The following CMC2 variants were observed in gnomAD, a reference collection of about 807,000 sequenced individuals.
CMC2 encodes COX assembly mitochondrial protein 2 homolog.
A neutral mutation model predicts 7.5 loss-of-function variants in CMC2; 5 were observed. That is an observed-to-expected ratio of 0.66 (90% CI 0.35 to 1.40). The LOEUF (loss-of-function observed/expected upper bound fraction) is 1.40, where lower values mean the gene tolerates loss of function less well. Ranked by LOEUF, CMC2 falls within the 40% of genes most tolerant of loss-of-function variation. The probability of loss-of-function intolerance (pLI) is 0.04; values close to 1 mark genes in which losing one functional copy is unlikely to be tolerated. For synonymous variants in CMC2, 37 were observed against 31.4 expected, an observed-to-expected ratio of 1.18 and a Z score of -0.60; for missense variants, 115 against 92.3, an observed-to-expected ratio of 1.25 and a Z score of -1.01.
At position 80,976,162 on chromosome 16, in the gene CMC2, G is replaced by C. The variant is rs1347502771; in HGVS notation, c.171C>G (p.Thr57=). Residue 57 remains threonine, a synonymous_variant, in exon 4 of 4, where the codon ACC becomes ACG. Transcript: ENST00000219400. The part of the protein sequence containing the change: ...CLKNEYVENR[T]KSREHGIAMR... ...TTGCAATGCCATGCTCCCTGCTCTT[G>C]GTCCTGTTTTCTACGTACTGAAAAA... 11 of 1,601,130 alleles carry C rather than the reference G, an allele frequency of 6.9e-6. No individual in the cohort carries two copies. In the Admixed American group the frequency reaches 1.7e-4, roughly 25 times the overall value.
intron 1 of CMC2, among the ~76,000 whole-genome samples, chr16:81,004,459 G>C (rs922609979): frequency 6.6e-6 from 1 of 152,220 alleles, no homozygotes; most frequent in Non-Finnish European, 1.5e-5. Context: ...CCATCAGTTT[G>C]TCAGTCTCAT....
intron 2 of CMC2, among the ~76,000 whole-genome samples, chr16:80,994,679 A>C (rs1968265560): frequency 1.3e-5 from 2 of 152,258 alleles, no homozygotes; most frequent in African/African-American, 4.8e-5. Context: ...CTGAACTTAA[A>C]AAGTTTATAA....
intron 3 of CMC2, among the ~76,000 whole-genome samples, chr16:80,976,839 T>C (rs1912429773): frequency 6.6e-6 from 1 of 152,214 alleles, no homozygotes; most frequent in African/African-American, 2.4e-5. Flanking sequence ...CCTTTTGCGC[T>C]GAACATTGCT....
chr16:80,991,981 G>A (rs763728473), intron 2 of CMC2: 16 of 454,996 alleles, frequency 3.5e-5, no homozygotes, highest in South Asian at 2.2e-4. Flanking sequence ...AAGACATTAG[G>A]TAAACACTAA....
At chr16:80,988,442 T>G (rs150426491) in intron 2 of CMC2, 73 of 652,832 alleles carry the variant, frequency 1.1e-4, no homozygotes, top group African/African-American at 1.1e-3. Context: ...TTAAAAACAT[T>G]TGTCAATTTC....
intron 3 of CMC2, among the ~76,000 whole-genome samples, chr16:80,978,590 C>T (rs757623853): frequency 1.3e-5 from 2 of 151,896 alleles, no homozygotes; most frequent in African/African-American, 2.4e-5. Flanking sequence ...GAACAAAAGG[C>T]CAGGTGCAGT....
At position 80,976,137 on chromosome 16, in the gene CMC2, T is replaced by A; in HGVS notation, c.196A>T (p.Met66Leu). Residue 66 changes from methionine to leucine, a missense_variant, in exon 4 of 4, where the codon ATG becomes TTG. Coordinates refer to ENST00000219400, the MANE Select transcript of CMC2 (RefSeq NM_020188.5). ...GGAGGATTAAAAAGTTTCTTTCGCA[T>A]TGCAATGCCATGCTCCCTGCTCTTG... The part of the protein sequence containing the change: ...RTKSREHGIA[M>L]RKKLFNPPEE... 3 of 1,610,608 alleles carry A rather than the reference T, an allele frequency of 1.9e-6. No homozygotes were observed. Among genetic ancestry groups the A allele is most frequent in the East Asian group, 2.2e-5 (1 of 44,848 alleles).
At position 80,972,041 on chromosome 16, in the gene CMC2, G is replaced by C. The variant is rs557557534; in HGVS notation, c.*4052C>G. 2 of 152,326 alleles carry C rather than the reference G, an allele frequency of 1.3e-5. No homozygotes were observed. Among genetic ancestry groups the C allele is most frequent in the East Asian group, 3.9e-4 (2 of 5,172 alleles). 9.4% of individuals were successfully genotyped at this position (152,326 alleles called of 1,614,324 possible). A position where few individuals can be genotyped will look rare whatever the true frequency, so the allele number is the denominator to read the frequency against. On this transcript the variant is annotated 3_prime_UTR_variant, in exon 4 of 4. Coordinates refer to ENST00000219400, the MANE Select transcript of CMC2 (RefSeq NM_020188.5). ...TGTCCTCCCATGTGACCAGCTGCCG[G>C]TGAGATCAGACTAGAGCTTAGAGGA...
intron 2 of CMC2, among the ~76,000 whole-genome samples, chr16:80,993,309 C>G (rs1244598480): frequency 6.6e-6 from 1 of 152,158 alleles, no homozygotes; most frequent in East Asian, 1.9e-4. Flanking sequence ...GCTTTCTACC[C>G]ACAGACAATT....
chr16:80,996,859 A>T, intron 2 of CMC2: 1 of 243,992 alleles, frequency 4.1e-6, no homozygotes, highest in Non-Finnish European at 8.4e-6. Context: ...TAACAACTAA[A>T]CACATCAGAT....
chr16:80,987,229 G>T (rs764705469), intron 2 of CMC2, among the ~76,000 whole-genome samples: 32 of 152,254 alleles, frequency 2.1e-4, no homozygotes, highest in Middle Eastern at 3.4e-3. Flanking sequence ...GGGATTATGG[G>T]AAGGAATCTT....
intron 1 of CMC2, chr16:81,001,151 TCA>T (rs1396437857): frequency 6.6e-6 from 1 of 152,148 alleles, no homozygotes; most frequent in East Asian, 1.9e-4. Flanking sequence ...CACTGGATAC[TCA>T]CAGACATAAA....
At chr16:80,986,867 C>G (rs1967582582) in intron 2 of CMC2, among the ~76,000 whole-genome samples, 2 of 152,230 alleles carry the variant, frequency 1.3e-5, no homozygotes, top group Non-Finnish European at 2.9e-5. Context: ...CAGAGAAAAT[C>G]TGAGCCAGAG....
chr16:81,005,679 GT>G (rs1312740641), intron 1 of CMC2, among the ~76,000 whole-genome samples: 2 of 152,070 alleles, frequency 1.3e-5, no homozygotes, highest in Non-Finnish European at 2.9e-5. Context: ...GGACCCGGGG[GT>G]GCTGCCTAGG....
chr16:80,979,535 T>TA (rs1449409552), intron 3 of CMC2, among the ~76,000 whole-genome samples: 1 of 152,110 alleles, frequency 6.6e-6, no homozygotes, highest in African/African-American at 2.4e-5. Flanking sequence ...TGAAAGTATG[T>TA]AAAAAACAAA....
At position 80,966,525 on chromosome 16, in the gene CMC2, A is replaced by T. The variant is rs1353314158; in HGVS notation, c.*9568T>A. ...TATCTTGTTTTGGTCTTAGGTTGAA[A>T]ATCTTGGTTTCTACTGACACTAACA... On this transcript the variant is annotated 3_prime_UTR_variant, in exon 4 of 4. Transcript: ENST00000219400. The T allele has an allele frequency of 6.6e-6, 1 of 152,164 alleles. No individual in the cohort carries two copies. The highest frequency in any genetic ancestry group is 1.5e-5 in the Non-Finnish European group (1 of 68,030). 9.4% of individuals were successfully genotyped at this position (152,164 alleles called of 1,614,324 possible).
chr16:80,978,807 C>T lies in CMC2; in HGVS notation c.154-2628G>A, dbSNP rs150232557. The stretch of plus-strand genomic sequence containing the variant: ...ACTTAAAAGCTTCATGGAGGCTGGG[C>T]GCAGTGGCTCACGCCTGTAACCCCA... On this transcript the variant is annotated intron_variant, in intron 3 of 3. Coordinates refer to ENST00000219400, the MANE Select transcript of CMC2 (RefSeq NM_020188.5). Among the ~76,000 whole-genome samples, 877 of 152,084 alleles carry T rather than the reference C, an allele frequency of 5.8e-3. 8 individuals carry two copies. Among genetic ancestry groups the T allele is most frequent in the African/African-American group, 0.019 (805 of 41,486 alleles).
intron 1 of CMC2, among the ~76,000 whole-genome samples, chr16:81,003,315 T>C (rs928935368): frequency 2.2e-4 from 33 of 152,236 alleles, no homozygotes; most frequent in Admixed American, 5.9e-4. Flanking sequence ...ATTCTTATTC[T>C]TAAAATTTCT....
Position 80,992,705 on chromosome 16 carries a change from C to CT in CMC2, c.81+4608dup, listed in dbSNP as rs71390989. On this transcript the variant is annotated intron_variant, in intron 2 of 3. Transcript: ENST00000219400. ...GATTTTTGGCCTCTTATTCCCCCTC[C>CT]TTTTTTTTTTTTTTTTTGTGTAAAG... is the stretch of plus-strand genomic sequence containing the variant. Among the ~76,000 whole-genome samples the CT allele has an allele frequency of 5.8e-3, 539 of 92,494 alleles. 18 individuals carry two copies. Among genetic ancestry groups the CT allele is most frequent in the African/African-American group, 0.018 (507 of 27,930 alleles). 60.7% of individuals were successfully genotyped at this position (92,494 alleles called of 152,430 possible).
Sources: allele counts gnomAD v4.1 joint callset (sites outside exome capture counted in the v4.1 genomes callset), GRCh38; gene constraint gnomAD v4.1.1; transcripts MANE v1.5; gene names NCBI Gene and HGNC (gene_info 2026-07-23, HGNC 2026-07-21).